Variants in MKNK2 observed in about 807,000 individuals in gnomAD.
MKNK2 encodes MAP kinase-interacting serine/threonine-protein kinase 2.
MKNK2 carries 54 observed loss-of-function variants against 55.0 expected under a neutral mutation model. The observed-to-expected ratio is 0.98, with a 90% CI of 0.79 to 1.23. MKNK2 has a LOEUF of 1.23. MKNK2 is among the 50% of genes most tolerant of loss of function. MKNK2 has a pLI of 0.00. For missense variants in MKNK2, 685 were observed against 632.1 expected, an observed-to-expected ratio of 1.08 and a Z score of -0.90; for synonymous variants, 323 against 256.0, an observed-to-expected ratio of 1.26 and a Z score of -2.50.
intron 5 of MKNK2, among the ~76,000 whole-genome samples, chr19:2,045,557 G>A (rs1023329509): frequency 2.0e-5 from 3 of 151,976 alleles, no homozygotes. Context: ...CTCTAGCCTG[G>A]CCGTCCACCA....
At chr19:2,046,043 C>A (rs961253798) in intron 5 of MKNK2, 143 bp downstream of exon 5, 2 of 776,900 alleles carry the variant, frequency 2.6e-6, no homozygotes, top group East Asian at 2.5e-5. Context: ...TCATTCCCGA[C>A]TGGACTCAGG....
chr19:2,038,234 C>T lies in MKNK2; in HGVS notation c.*1379G>A, dbSNP rs1599376128. Reference sequence around the variant, plus strand: ...TTCTTCAAGAACAGGGAAGCAAAGTCCATCGATGTGTTGTTTTTTTTTAAG... The same window carrying T: ...TTCTTCAAGAACAGGGAAGCAAAGTTCATCGATGTGTTGTTTTTTTTTAAG... On this transcript the variant is annotated 3_prime_UTR_variant, in exon 14 of 14. Transcript: ENST00000250896. The T allele has an allele frequency of 3.0e-6, 3 of 991,646 alleles. No individual in the cohort carries two copies. The highest frequency in any genetic ancestry group is 3.6e-6 in the Non-Finnish European group (3 of 834,490). 61.4% of individuals were successfully genotyped at this position (991,646 alleles called of 1,614,324 possible). A position where few individuals can be genotyped will look rare whatever the true frequency, so the allele number is the denominator to read the frequency against.
chr19:2,040,853 G>A, intron 12 of MKNK2, 187 bp downstream of exon 12: 1 of 628,470 alleles, frequency 1.6e-6, no homozygotes, highest in Admixed American at 3.0e-5. Context: ...CTGGCCAGCG[G>A]GCACCGTGCA....
At chr19:2,048,878 GCCA>G (rs2017054584) in intron 2 of MKNK2, among the ~76,000 whole-genome samples, 1 of 152,170 alleles carries the variant, frequency 6.6e-6, no homozygotes, top group Non-Finnish European at 1.5e-5. Flanking sequence ...CCCTGGGGCA[GCCA>G]CCACAAGGCA....
intron 2 of MKNK2, 110 bp from the exon 3 acceptor site, chr19:2,046,801 A>G (rs547168274): frequency 1.9e-5 from 16 of 830,722 alleles, no homozygotes; most frequent in Non-Finnish European, 2.7e-5. Flanking sequence ...CCCTGCGCTG[A>G]GCATTACGGA....
Position 2,038,327 on chromosome 19 carries a change from C to G in MKNK2, c.*1286G>C. ...GATTTAGAAGCCAGAGGGGCTGCCC[C>G]AGCTGTGGAGCTCGGGGGCTGCGCC... On this transcript the variant is annotated 3_prime_UTR_variant, in exon 14 of 14. Transcript: ENST00000250896. 1.0e-6 allele frequency: 1 copy of G among 986,584 alleles called. No individual in the cohort carries two copies. 61.1% of individuals were successfully genotyped at this position (986,584 alleles called of 1,614,324 possible). A position where few individuals can be genotyped will look rare whatever the true frequency, so the allele number is the denominator to read the frequency against.
At position 2,043,065 on chromosome 19, in the gene MKNK2, C is replaced by T. The variant is rs1024666342; in HGVS notation, c.493+59G>A. ...CCCCCTCCTGCAGGTGGCACTAGGC[C>T]CCCATCCCGTAATACCTCCCAGCTC... On this transcript the variant is annotated intron_variant, in intron 7 of 13. Coordinates refer to ENST00000250896, the MANE Select transcript of MKNK2 (RefSeq NM_199054.3). 4.8e-6 allele frequency: 7 copies of T among 1,470,080 alleles called. No homozygotes were observed. In the Admixed American group the frequency reaches 5.1e-5, roughly 11 times the overall value. 91.1% of individuals were successfully genotyped at this position (1,470,080 alleles called of 1,614,324 possible).
rs749159900 is a variant in MKNK2 at position 2,037,835 on chromosome 19, GAAA to G, written c.*1775_*1777del. 563 of 1,281,220 alleles carry G rather than the reference GAAA, an allele frequency of 4.4e-4. No homozygotes were observed. The highest frequency in any genetic ancestry group is 3.7e-3 in the African/African-American group (211 of 56,804). The allele number at this position is 1,281,220 out of a possible 1,614,324, so 79.4% of individuals were successfully genotyped here. A position where few individuals can be genotyped will look rare whatever the true frequency, so the allele number is the denominator to read the frequency against. ...GGAGGAAGTGACTGTCCCACCTTCA[GAAA>G]AAAAAAAAAAAACAAACAAACAAAC... is the stretch of plus-strand genomic sequence containing the variant. On this transcript the variant is annotated 3_prime_UTR_variant, in exon 14 of 14. Coordinates refer to ENST00000250896, the MANE Select transcript of MKNK2 (RefSeq NM_199054.3).
intron 6 of MKNK2, 88 bp from the exon 7 acceptor site, chr19:2,043,285 T>C (rs1444127821): frequency 3.4e-6 from 4 of 1,182,594 alleles, no homozygotes; most frequent in Admixed American, 3.5e-5. Context: ...GCCCACCCTC[T>C]TGGTGCTGGC....
chr19:2,043,002 CCT>C, intron 7 of MKNK2, 120 bp downstream of exon 7: 1 of 1,293,814 alleles, frequency 7.7e-7, no homozygotes, highest in Non-Finnish European at 1.1e-6. Flanking sequence ...AGGCCTCACC[CCT>C]GAGCCACCAT....
rs754854654 is a variant in MKNK2, at chr19:2,043,213, G to A, written c.420-16C>T. On this transcript the variant is annotated splice_polypyrimidine_tract_variant and intron_variant, in intron 6 of 13. Transcript: ENST00000250896. ...TAGGACGTTCCTGGGGTGGGGGTGG[G>A]GGCAGGAGAGGAGCTGAGGCTTCCT... is the stretch of plus-strand genomic sequence containing the variant. 2 of 1,579,198 alleles carry A rather than the reference G, an allele frequency of 1.3e-6. No homozygotes were observed. The highest frequency in any genetic ancestry group is 2.2e-5 in the East Asian group (1 of 44,662).
intron 2 of MKNK2, among the ~76,000 whole-genome samples, chr19:2,050,014 G>A (rs972768506): frequency 4.6e-5 from 7 of 152,204 alleles, no homozygotes; most frequent in Non-Finnish European, 8.8e-5. Flanking sequence ...GAAGCCCAGT[G>A]AAGCGATTAC....
chr19:2,045,116 C>A (rs2016969734), intron 5 of MKNK2, among the ~76,000 whole-genome samples: 1 of 152,178 alleles, frequency 6.6e-6, no homozygotes, highest in Non-Finnish European at 1.5e-5. Flanking sequence ...ACGTCAGTGG[C>A]CAACAACACC....
In MKNK2 at chr19:2,046,405, C is replaced by T. The variant is rs201126903; in HGVS notation, c.203G>A (p.Arg68His). The T allele has an allele frequency of 2.4e-5, 39 of 1,609,042 alleles. No homozygotes were observed. The highest frequency in any genetic ancestry group is 3.0e-5 in the Non-Finnish European group (35 of 1,179,822). ...DAKKRGKKKK[R>H]GRATDSFSGR... ...CGAGAAGCTGTCGGTGGCCCGGCCG[C>T]GCTTCTTCTTCTTGCCCCTCTTCTT... Residue 68 changes from arginine (R) to histidine (H), a missense_variant, in exon 4 of 14, where the codon CGC becomes CAC. Coordinates refer to ENST00000250896, the MANE Select transcript of MKNK2 (RefSeq NM_199054.3).
rs1257798149 is a variant in MKNK2, at chr19:2,046,428, C to T, written c.180G>A (p.Lys60=). The stretch of plus-strand genomic sequence containing the variant: ...CGCGCTTCTTCTTCTTGCCCCTCTT[C>T]TTGGCGTCCGGGATGTCAATGGGCT... ...ASQPIDIPDA[K]KRGKKKKRGR... Residue 60 remains lysine, a synonymous_variant, in exon 4 of 14, where the codon AAG becomes AAA. Transcript: ENST00000250896. 4.3e-6 allele frequency: 7 copies of T among 1,609,428 alleles called. No individual in the cohort carries two copies. The highest frequency in any genetic ancestry group is 5.9e-6 in the Non-Finnish European group (7 of 1,179,838).
intron 5 of MKNK2, among the ~76,000 whole-genome samples, chr19:2,044,845 A>AG (rs1266371430): frequency 1.3e-5 from 2 of 152,084 alleles, no homozygotes; most frequent in African/African-American, 4.8e-5. Context: ...TGCTTCAGGG[A>AG]GGGGGCGCAG....
At position 2,046,437 on chromosome 19, in the gene MKNK2, C is replaced by G. The variant is rs150650662; in HGVS notation, c.171G>C (p.Pro57=). The change falls in exon 4 of 14, where the codon CCG becomes CCC. Residue 57 remains proline, a synonymous_variant. Coordinates refer to ENST00000250896, the MANE Select transcript of MKNK2 (RefSeq NM_199054.3). ...DMPASQPIDI[P]DAKKRGKKKK... ...TCTTCTTGCCCCTCTTCTTGGCGTC[C>G]GGGATGTCAATGGGCTGGCTGGCGG... 1 of 1,609,326 alleles carries G rather than the reference C, an allele frequency of 6.2e-7. No individual in the cohort carries two copies. The highest frequency in any genetic ancestry group is 1.3e-5 in the African/African-American group (1 of 75,026).
At chr19:2,040,834 G>A (rs2016861626) in intron 12 of MKNK2, 4 of 591,606 alleles carry the variant, frequency 6.8e-6, no homozygotes, top group Non-Finnish European at 1.2e-5. Context: ...GCTCCTGGGA[G>A]CCGCCTGGCT....
chr19:2,045,554 C>G (rs1045688754), intron 5 of MKNK2, among the ~76,000 whole-genome samples: 1 of 152,106 alleles, frequency 6.6e-6, no homozygotes, highest in Non-Finnish European at 1.5e-5. Flanking sequence ...AAGCTCTAGC[C>G]TGGCCGTCCA....
Sources: allele counts gnomAD v4.1 joint callset (sites outside exome capture counted in the v4.1 genomes callset), GRCh38; gene constraint gnomAD v4.1.1; transcripts MANE v1.5; gene names NCBI Gene and HGNC (gene_info 2026-07-23, HGNC 2026-07-21).